AGPAT4: variants seen among roughly 807,000 people sequenced by gnomAD.
The protein encoded by AGPAT4 is 1-acyl-sn-glycerol-3-phosphate acyltransferase delta.
Under a neutral mutation model 48.0 loss-of-function variants are expected in AGPAT4, and 15 were observed. The observed-to-expected ratio is 0.31, with a 90% confidence interval of 0.21 to 0.48. The LOEUF (loss-of-function observed/expected upper bound fraction) is 0.48, where lower values mean the gene tolerates loss of function less well. Ranked by LOEUF, AGPAT4 falls within the 20% of genes least tolerant of loss-of-function variation. AGPAT4 has a pLI of 0.99. For synonymous variants in AGPAT4, 178 were observed against 198.7 expected (o/e 0.90, Z 0.88); for missense variants, 314 against 482.5 (o/e 0.65, Z 3.27).
Position 161,143,603 on chromosome 6 carries a change from C to T in AGPAT4, c.843+2921G>A, listed in dbSNP as rs1779326546. On this transcript the variant is annotated intron_variant, in intron 7 of 8. Coordinates refer to ENST00000320285, the MANE Select transcript of AGPAT4 (RefSeq NM_020133.3). The surrounding 1 kb of genome is among the most constrained non-coding windows in gnomAD (Gnocchi z 4.7). The stretch of plus-strand genomic sequence containing the variant: ...TCAGAGCGAGTTTACCTGGGAACTG[C>T]TTTTGTCCACAGAAGATCACACAAG... 1.3e-5 allele frequency among the ~76,000 whole-genome samples: 2 copies of T among 152,192 alleles called. No individual in the cohort carries two copies. The highest frequency in any genetic ancestry group is 2.4e-5 in the African/African-American group (1 of 41,446).
chr6:161,228,407 T>C (rs1369836871), intron 2 of AGPAT4, among the ~76,000 whole-genome samples: 1 of 152,084 alleles, frequency 6.6e-6, no homozygotes, highest in Non-Finnish European at 1.5e-5. Context: ...AGTCCAGGAA[T>C]ATTCAGTGGC....
chr6:161,221,815 G>A lies in AGPAT4; in HGVS notation c.178+10221C>T, dbSNP rs557420649. Among the ~76,000 whole-genome samples the A allele has an allele frequency of 2.6e-5, 4 of 152,236 alleles. No individual in the cohort carries two copies. In the South Asian group the frequency reaches 8.3e-4, roughly 32 times the overall value. On this transcript the variant is annotated intron_variant, in intron 2 of 8. Transcript: ENST00000320285. This position sits in a 1 kb window ranked among gnomAD's most constrained non-coding sequence, Gnocchi z 4.5. ...GATATTGTCCTCGTATCTTCACATC[G>A]TCTTCCTCTCTGCATGTCTTTCTCT...
At position 161,262,473 on chromosome 6, in the gene AGPAT4, CT is replaced by C. The variant is rs375164999; in HGVS notation, c.-90+11464del. On this transcript the variant is annotated intron_variant, in intron 1 of 8. Coordinates refer to ENST00000320285, the MANE Select transcript of AGPAT4 (RefSeq NM_020133.3). The surrounding 1 kb of genome is among the most constrained non-coding windows in gnomAD (Gnocchi z 4.9). ...CAGCTGGCTCTATACTAGCTCATTC[CT>C]TTTTTTTTTCCCCCTCCTCATTATT... is the stretch of plus-strand genomic sequence containing the variant. Among the ~76,000 whole-genome samples the C allele has an allele frequency of 9.9e-4, 149 of 149,834 alleles. 1 individual carries two copies. The highest frequency in any genetic ancestry group is 3.4e-3 in the Middle Eastern group (1 of 290).
In AGPAT4 at chr6:161,133,566, A is replaced by G. The variant is rs1050839149; in HGVS notation, c.*2974T>C. On this transcript the variant is annotated 3_prime_UTR_variant, in exon 9 of 9. Coordinates refer to ENST00000320285, the MANE Select transcript of AGPAT4 (RefSeq NM_020133.3). ...TCCAGTCCCCCAGACCTCAAGCTGC[A>G]TCTTCCAAATGGTTGGTGTCTTTTT... 6.6e-6 allele frequency: 1 copy of G among 152,200 alleles called. No individual in the cohort carries two copies. The highest frequency in any genetic ancestry group is 6.5e-5 in the Admixed American group (1 of 15,278). The allele number at this position is 152,200 out of a possible 1,614,324, so 9.4% of individuals were successfully genotyped here. A position where few individuals can be genotyped will look rare whatever the true frequency, so the allele number is the denominator to read the frequency against.
intron 2 of AGPAT4, among the ~76,000 whole-genome samples, chr6:161,167,912 T>G (rs866122991): frequency 1.3e-5 from 2 of 152,238 alleles, no homozygotes; most frequent in African/African-American, 2.4e-5. Context: ...CCCAGCAAAC[T>G]GAAGCTATCA....
Position 161,141,160 on chromosome 6 carries a change from A to AC in AGPAT4, c.844-1541dup, listed in dbSNP as rs1031282260. Among the ~76,000 whole-genome samples, 4 of 151,754 alleles carry AC rather than the reference A, an allele frequency of 2.6e-5. No homozygotes were observed. The highest frequency in any genetic ancestry group is 6.6e-5 in the Admixed American group (1 of 15,224). ...CACACTAGGCCATTTTGGAAGGAGA[A>AC]CCCCCAACCCCTTCCCTGGGCAGTT... On this transcript the variant is annotated intron_variant, in intron 7 of 8. Transcript: ENST00000320285. This position sits in a 1 kb window ranked among gnomAD's most constrained non-coding sequence, Gnocchi z 6.7.
Position 161,219,913 on chromosome 6 carries a change from AGGCG to A in AGPAT4, c.178+12119_178+12122del, listed in dbSNP as rs771156165. 2.6e-5 allele frequency among the ~76,000 whole-genome samples: 3 copies of A among 114,992 alleles called. No individual in the cohort carries two copies. In the South Asian group the frequency reaches 9.3e-4, roughly 36 times the overall value. The allele number at this position is 114,992 out of a possible 152,430, so 75.4% of individuals were successfully genotyped here. Reference sequence around the variant, plus strand: ...CAGGCAGGCAGGCAGGCAGGCAGGCAGGCGGCAGGCAGGCAGGCAGGCAGGCAGG... The same window carrying A: ...CAGGCAGGCAGGCAGGCAGGCAGGCAGCAGGCAGGCAGGCAGGCAGGCAGG... On this transcript the variant is annotated intron_variant, in intron 2 of 8. Transcript: ENST00000320285. This position sits in a 1 kb window ranked among gnomAD's most constrained non-coding sequence, Gnocchi z 4.9.
At chr6:161,151,135 C>T (rs1026488303) in intron 5 of AGPAT4, among the ~76,000 whole-genome samples, 8 of 152,206 alleles carry the variant, frequency 5.3e-5, no homozygotes, top group East Asian at 1.9e-4. Flanking sequence ...TGAGAGCAGC[C>T]GCTGCCAGCC....
chr6:161,138,988 G>A lies in AGPAT4; in HGVS notation c.1042+434C>T, dbSNP rs1244723572. Among the ~76,000 whole-genome samples, 7 of 152,220 alleles carry A rather than the reference G, an allele frequency of 4.6e-5. No homozygotes were observed. The highest frequency in any genetic ancestry group is 1.0e-4 in the Non-Finnish European group (7 of 68,036). On this transcript the variant is annotated intron_variant, in intron 8 of 8. Coordinates refer to ENST00000320285, the MANE Select transcript of AGPAT4 (RefSeq NM_020133.3). This position sits in a 1 kb window ranked among gnomAD's most constrained non-coding sequence, Gnocchi z 4.8. ...CTCCACTCAGTGTCATCCACCTGCAGCAAAGGAGAAGCCACAGGCGCCCCC... is the reference window on the plus strand; with the variant it reads ...CTCCACTCAGTGTCATCCACCTGCAACAAAGGAGAAGCCACAGGCGCCCCC...
At chr6:161,273,429 G>A (rs951752046) in intron 1 of AGPAT4, among the ~76,000 whole-genome samples, 1 of 152,088 alleles carries the variant, frequency 6.6e-6, no homozygotes, top group Non-Finnish European at 1.5e-5. Flanking sequence ...CTGCAAACTA[G>A]ACACAAAATA....
At chr6:161,152,002 C>A (rs1201533576) in intron 5 of AGPAT4, among the ~76,000 whole-genome samples, 1 of 152,212 alleles carries the variant, frequency 6.6e-6, no homozygotes, top group Non-Finnish European at 1.5e-5. Context: ...AGAGGCTGGG[C>A]AGAGGGGAAG....
rs1206566865 is a variant in AGPAT4, at chr6:161,166,083, G to A, written c.348+165C>T. 4.4e-6 allele frequency: 4 copies of A among 909,900 alleles called. No individual in the cohort carries two copies. The highest frequency in any genetic ancestry group is 5.0e-6 in the Non-Finnish European group (3 of 599,452). 56.4% of individuals were successfully genotyped at this position (909,900 alleles called of 1,614,324 possible). On this transcript the variant is annotated intron_variant, in intron 3 of 8. Transcript: ENST00000320285. This position sits in a 1 kb window ranked among gnomAD's most constrained non-coding sequence, Gnocchi z 6.7. ...ATGATTGCCCATAAGAAGCTGTTAAGACTGACTCCCAGCAAGAATAAAAAG... is the reference window on the plus strand; with the variant it reads ...ATGATTGCCCATAAGAAGCTGTTAAAACTGACTCCCAGCAAGAATAAAAAG...
Position 161,221,353 on chromosome 6 carries a change from T to A in AGPAT4, c.178+10683A>T, listed in dbSNP as rs1461036817. Among the ~76,000 whole-genome samples the A allele has an allele frequency of 6.6e-6, 1 of 152,130 alleles. No homozygotes were observed. Among genetic ancestry groups the A allele is most frequent in the East Asian group, 1.9e-4 (1 of 5,190 alleles). ...ACTTTACTCCTTTGAGTTCCTGGAT[T>A]TAAGAGGTGGGAAAAAGGATTTCTT... On this transcript the variant is annotated intron_variant, in intron 2 of 8. Coordinates refer to ENST00000320285, the MANE Select transcript of AGPAT4 (RefSeq NM_020133.3). This position sits in a 1 kb window ranked among gnomAD's most constrained non-coding sequence, Gnocchi z 4.5.
rs1048216682 is a variant in AGPAT4 at position 161,200,629 on chromosome 6, T to C, written c.178+31407A>G. On this transcript the variant is annotated intron_variant, in intron 2 of 8. Transcript: ENST00000320285. This position sits in a 1 kb window ranked among gnomAD's most constrained non-coding sequence, Gnocchi z 5.5. ...AAAGAATTATTGGCACCTCTTCTTT[T>C]CTTCAATAATCATATTTACTATGTT... Among the ~76,000 whole-genome samples, 1 of 152,204 alleles carries C rather than the reference T, an allele frequency of 6.6e-6. No homozygotes were observed. The highest frequency in any genetic ancestry group is 1.5e-5 in the Non-Finnish European group (1 of 68,048).
Position 161,221,802 on chromosome 6 carries a change from G to C in AGPAT4, c.178+10234C>G, listed in dbSNP as rs1010163068. ...TTGGCTTGCAGGGGATATTGTCCTC[G>C]TATCTTCACATCGTCTTCCTCTCTG... On this transcript the variant is annotated intron_variant, in intron 2 of 8. Coordinates refer to ENST00000320285, the MANE Select transcript of AGPAT4 (RefSeq NM_020133.3). This position sits in a 1 kb window ranked among gnomAD's most constrained non-coding sequence, Gnocchi z 4.5. Among the ~76,000 whole-genome samples, 1 of 152,134 alleles carries C rather than the reference G, an allele frequency of 6.6e-6. No individual in the cohort carries two copies. The highest frequency in any genetic ancestry group is 1.5e-5 in the Non-Finnish European group (1 of 68,026).
Position 161,181,095 on chromosome 6 carries a change from T to C in AGPAT4, c.179-14678A>G, listed in dbSNP as rs3798926. Among the ~76,000 whole-genome samples, 4 of 152,208 alleles carry C rather than the reference T, an allele frequency of 2.6e-5. No individual in the cohort carries two copies. In the East Asian group the frequency reaches 7.7e-4, roughly 29 times the overall value. On this transcript the variant is annotated intron_variant, in intron 2 of 8. Coordinates refer to ENST00000320285, the MANE Select transcript of AGPAT4 (RefSeq NM_020133.3). ...TCTGGTTTTTATTAATAAAAATTAA[T>C]AAAAGCACAAAGTGAAACTACTAGC...
Position 161,136,235 on chromosome 6 carries a change from C to T in AGPAT4, c.*305G>A, listed in dbSNP as rs1166758263. ...CCCTTCGGTCCCCAGCCCTGCCCTC[C>T]CCTGCAGCCTAAAATACCCTTTCTA... On this transcript the variant is annotated 3_prime_UTR_variant, in exon 9 of 9. Coordinates refer to ENST00000320285, the MANE Select transcript of AGPAT4 (RefSeq NM_020133.3). The T allele has an allele frequency of 1.7e-5, 6 of 359,160 alleles. No individual in the cohort carries two copies. The highest frequency in any genetic ancestry group is 1.2e-4 in the East Asian group (2 of 16,838). The allele number at this position is 359,160 out of a possible 1,614,324, so 22.2% of individuals were successfully genotyped here.
In AGPAT4 at chr6:161,184,242, T is replaced by C. The variant is rs1048271583; in HGVS notation, c.179-17825A>G. ...ACAGGGGTGGTGGGCTCGGTGGGCA[T>C]AGTGGAAATGGTGAGAAATGATCAT... On this transcript the variant is annotated intron_variant, in intron 2 of 8. Coordinates refer to ENST00000320285, the MANE Select transcript of AGPAT4 (RefSeq NM_020133.3). This position sits in a 1 kb window ranked among gnomAD's most constrained non-coding sequence, Gnocchi z 4.8. 2.7e-5 allele frequency among the ~76,000 whole-genome samples: 4 copies of C among 149,522 alleles called. No individual in the cohort carries two copies. Among genetic ancestry groups the C allele is most frequent in the South Asian group, 4.3e-4 (2 of 4,672 alleles).
intron 2 of AGPAT4, among the ~76,000 whole-genome samples, chr6:161,179,615 T>C (rs999270542): frequency 6.6e-6 from 1 of 152,172 alleles, no homozygotes; most frequent in African/African-American, 2.4e-5. Flanking sequence ...GGTCCACTTA[T>C]ATACAGATTT....
Sources: gnomAD v4.1 joint callset for allele counts (sites outside exome capture counted in the v4.1 genomes callset) on GRCh38, gnomAD v4.1.1 for gene constraint, Gnocchi (gnomAD v3.1) non-coding constraint, MANE v1.5 for transcripts, NCBI Gene and HGNC (gene_info 2026-07-23, HGNC 2026-07-21) for gene names.